TNKS: variants seen among roughly 807,000 people sequenced by gnomAD.
TNKS encodes the protein poly [ADP-ribose] polymerase tankyrase-1.
TNKS carries 72 observed loss-of-function variants against 135.8 expected under a neutral mutation model. That is an observed-to-expected ratio of 0.53 (90% CI 0.44 to 0.64). TNKS has a LOEUF of 0.64. TNKS is among the 30% of genes least tolerant of loss of function. The pLI, the probability that TNKS is intolerant of heterozygous loss-of-function variation, is 0.00. For missense variants in TNKS, 1,769 were observed against 1,674.0 expected (o/e 1.06, Z -0.99); for synonymous variants, 849 against 649.3 (o/e 1.31, Z -4.68).
intron 2 of TNKS, among the ~76,000 whole-genome samples, chr8:9,604,360 T>C (rs1415465216): frequency 1.3e-5 from 2 of 152,130 alleles, no homozygotes; most frequent in Non-Finnish European, 2.9e-5. Flanking sequence ...TTAATTGATA[T>C]CACCAAACTT....
At chr8:9,629,280 C>T (rs1214105023) in intron 3 of TNKS, among the ~76,000 whole-genome samples, 1 of 152,244 alleles carries the variant, frequency 6.6e-6, no homozygotes, top group Non-Finnish European at 1.5e-5. Flanking sequence ...GACTCCTAAT[C>T]TTGCCGAGGA....
At position 9,778,249 on chromosome 8, in the gene TNKS, T is replaced by A. The variant is rs1024981237; in HGVS notation, c.*1513T>A. 1 of 152,492 alleles carries A rather than the reference T, an allele frequency of 6.6e-6. No individual in the cohort carries two copies. Among genetic ancestry groups the A allele is most frequent in the Non-Finnish European group, 1.5e-5 (1 of 68,044 alleles). 9.4% of individuals were successfully genotyped at this position (152,492 alleles called of 1,614,324 possible). On this transcript the variant is annotated 3_prime_UTR_variant, in exon 27 of 27. Coordinates refer to ENST00000310430, the MANE Select transcript of TNKS (RefSeq NM_003747.3). ...TACTTGATATACTGTGCATCTACTC[T>A]GCTTTGAAGCGAAAGAAATATAAAC...
At chr8:9,730,774 T>C in intron 13 of TNKS, 116 bp from the exon 14 acceptor site, 1 of 1,185,260 alleles carries the variant, frequency 8.4e-7, no homozygotes, top group Non-Finnish European at 1.2e-6. Flanking sequence ...TGGAAATAAA[T>C]ATTCATTAGA....
At chr8:9,679,875 T>C in intron 3 of TNKS, 76 bp from the exon 4 acceptor site, 1 of 1,200,862 alleles carries the variant, frequency 8.3e-7, no homozygotes, top group Non-Finnish European at 1.2e-6. Context: ...TATTTAATTC[T>C]CTATTTGCTG....
At chr8:9,762,666 G>A (rs1352828226) in intron 21 of TNKS, among the ~76,000 whole-genome samples, 1 of 152,148 alleles carries the variant, frequency 6.6e-6, no homozygotes, top group African/African-American at 2.4e-5. Context: ...ACTTTGGGAG[G>A]CCGAGGCAGG....
intron 17 of TNKS, among the ~76,000 whole-genome samples, chr8:9,739,212 AAAAC>A (rs1173241237): frequency 9.7e-6 from 1 of 102,980 alleles, no homozygotes; most frequent in African/African-American, 3.9e-5. Context: ...TTACAAGAAA[AAAAC>A]AAACAACCCC....
At position 9,706,886 on chromosome 8, in the gene TNKS, G is replaced by A; in HGVS notation, c.1345G>A (p.Glu449Lys). 6.2e-7 allele frequency: 1 copy of A among 1,614,128 alleles called. No homozygotes were observed. Among genetic ancestry groups the A allele is most frequent in the Non-Finnish European group, 8.5e-7 (1 of 1,179,994 alleles). The change falls in exon 8 of 27, where the codon GAA becomes AAA. Residue 449 changes from glutamate to lysine, a missense_variant. Coordinates refer to ENST00000310430, the MANE Select transcript of TNKS (RefSeq NM_003747.3). ...CGAGGCTGCTTCCAAGAACCGTGTA[G>A]AAGTCTGCTCTTTGTTACTTAGCCA... ...LHEAASKNRV[E>K]VCSLLLSHGA...
chr8:9,669,352 AG>A (rs1253310700), intron 3 of TNKS, among the ~76,000 whole-genome samples: 1 of 145,946 alleles, frequency 6.9e-6, no homozygotes, highest in African/African-American at 2.5e-5. Flanking sequence ...CGGGAAGCGG[AG>A]CTTGCAGTGA....
intron 12 of TNKS, among the ~76,000 whole-genome samples, chr8:9,722,054 C>T (rs375961988): frequency 2.0e-4 from 16 of 79,040 alleles, no homozygotes; most frequent in Non-Finnish European, 3.8e-4. Flanking sequence ...GAGACTCCAT[C>T]TCAACAAAAA....
intron 18 of TNKS, among the ~76,000 whole-genome samples, chr8:9,749,140 C>G (rs1025657450): frequency 1.3e-5 from 2 of 152,228 alleles, no homozygotes; most frequent in Admixed American, 6.5e-5. Flanking sequence ...GAAGTCAGCT[C>G]AGGTTCAAGG....
intron 3 of TNKS, among the ~76,000 whole-genome samples, chr8:9,636,744 G>A (rs560885462): frequency 6.6e-6 from 1 of 152,184 alleles, no homozygotes; most frequent in Non-Finnish European, 1.5e-5. Context: ...TTGGTCAAGA[G>A]TGCTTTCACT....
intron 13 of TNKS, among the ~76,000 whole-genome samples, chr8:9,730,426 C>T (rs1349922062): frequency 1.3e-5 from 2 of 152,140 alleles, no homozygotes; most frequent in Non-Finnish European, 2.9e-5. Context: ...GTGGCCCAGG[C>T]AGAAAAATAA....
chr8:9,764,027 G>GTCTT (rs1368041529), intron 22 of TNKS, among the ~76,000 whole-genome samples: 1 of 152,096 alleles, frequency 6.6e-6, no homozygotes, highest in Admixed American at 6.5e-5. Flanking sequence ...GGGGTCCGGT[G>GTCTT]TCTTACTACC....
intron 1 of TNKS, among the ~76,000 whole-genome samples, chr8:9,570,069 G>A (rs550629965): frequency 6.6e-6 from 1 of 151,932 alleles, no homozygotes; most frequent in African/African-American, 2.4e-5. Context: ...AATTTATTTT[G>A]CTATATATTA....
At chr8:9,663,589 A>G (rs1298617376) in intron 3 of TNKS, among the ~76,000 whole-genome samples, 1 of 152,190 alleles carries the variant, frequency 6.6e-6, no homozygotes, top group African/African-American at 2.4e-5. Context: ...CCAGAAGACT[A>G]CACCCCACTT....
chr8:9,761,204 G>T (rs1807131561), intron 20 of TNKS, among the ~76,000 whole-genome samples: 1 of 152,226 alleles, frequency 6.6e-6, no homozygotes, highest in African/African-American at 2.4e-5. Flanking sequence ...TCTATCTTGA[G>T]GCAAGCAGTA....
At chr8:9,732,272 T>A (rs1805484356) in intron 14 of TNKS, among the ~76,000 whole-genome samples, 1 of 152,216 alleles carries the variant, frequency 6.6e-6, no homozygotes, top group Non-Finnish European at 1.5e-5. Flanking sequence ...AATTATTTTG[T>A]CTAGGCAAAG....
rs149991906 is a variant in TNKS at position 9,725,576 on chromosome 8, A to T, written c.1922-1065A>T. On this transcript the variant is annotated intron_variant, in intron 12 of 26. Transcript: ENST00000310430. ...GGGCTCAAAAAAGATGTCTCTGATCATAAGATAATACAATCTTAGATCTGA... is the reference window on the plus strand; with the variant it reads ...GGGCTCAAAAAAGATGTCTCTGATCTTAAGATAATACAATCTTAGATCTGA... Among the ~76,000 whole-genome samples the T allele has an allele frequency of 2.0e-5, 3 of 152,332 alleles. No individual in the cohort carries two copies. In the East Asian group the frequency reaches 5.8e-4, roughly 29 times the overall value.
chr8:9,765,849 C>T (rs2128837022), intron 24 of TNKS, 52 bp downstream of exon 24: 2 of 1,459,246 alleles, frequency 1.4e-6, no homozygotes, highest in Non-Finnish European at 1.9e-6. Context: ...TTGCAGGAGT[C>T]AGTAAAGGGA....
Sources: allele counts gnomAD v4.1 joint callset (sites outside exome capture counted in the v4.1 genomes callset), GRCh38; gene constraint gnomAD v4.1.1; transcripts MANE v1.5; gene names NCBI Gene and HGNC (gene_info 2026-07-23, HGNC 2026-07-21).